PRPF19: variants seen among roughly 807,000 people sequenced by gnomAD.
The protein encoded by PRPF19 is pre-mRNA processing factor 19, also known as pre-mRNA-processing factor 19.
PRPF19 carries 2 observed loss-of-function variants against 64.2 expected under a neutral mutation model. That is an observed-to-expected ratio of 0.03 (90% CI 0.01 to 0.10). The LOEUF (loss-of-function observed/expected upper bound fraction) is 0.10. Among genes scored for constraint, PRPF19 ranks in the 10% least tolerant of loss-of-function variants. The pLI is 1.00. For missense variants in PRPF19, 314 were observed against 650.0 expected (o/e 0.48, Z 5.62); for synonymous variants, 226 against 251.6 (o/e 0.90, Z 0.96).
intron 15 of PRPF19, 22 bp downstream of exon 15, chr11:60,897,824 G>T (rs1209385919): frequency 1.9e-6 from 3 of 1,604,750 alleles, no homozygotes; most frequent in African/African-American, 2.7e-5. Context: ...AGAGATCCCA[G>T]GAGCCCAGGA....
At chr11:60,897,299 CAAT>C (rs2134859708) in intron 15 of PRPF19, among the ~76,000 whole-genome samples, 1 of 152,266 alleles carries the variant, frequency 6.6e-6, no homozygotes, top group Non-Finnish European at 1.5e-5. Flanking sequence ...AGCCTAGGAG[CAAT>C]AATAGACTAT....
rs7948169 is a variant in PRPF19, at chr11:60,897,962, T to C, written c.1312-11A>G. ...GATCAGTGACTTTACCTGCCAGAAA[T>C]AGAAAGAGAGAAGGTCACACAAGGG... On this transcript the variant is annotated splice_polypyrimidine_tract_variant and intron_variant, in intron 14 of 15. Transcript: ENST00000227524. 0.03 allele frequency: 48,733 copies of C among 1,613,344 alleles called. 1,614 individuals carry two copies. The highest frequency in any genetic ancestry group is 0.17 in the African/African-American group (12,807 of 74,878).
Position 60,906,555 on chromosome 11 carries a change from G to T in PRPF19, c.-173C>A. ...TTCACGTGGGAATGGGGACAGCCGC[G>T]CGCCACAGCCTTCAGCACCTAACGG... On this transcript the variant is annotated 5_prime_UTR_variant, in exon 1 of 16. Coordinates refer to ENST00000227524, the MANE Select transcript of PRPF19 (RefSeq NM_014502.5). The T allele has an allele frequency of 3.1e-6, 2 of 651,774 alleles. No homozygotes were observed. Among genetic ancestry groups the T allele is most frequent in the Non-Finnish European group, 5.1e-6 (2 of 393,360 alleles). The allele number at this position is 651,774 out of a possible 1,614,324, so 40.4% of individuals were successfully genotyped here. A position where few individuals can be genotyped will look rare whatever the true frequency, so the allele number is the denominator to read the frequency against.
At position 60,897,862 on chromosome 11, in the gene PRPF19, C is replaced by T. The variant is rs1855939032; in HGVS notation, c.1401G>A (p.Glu467=). ...VQIYICKQWT[E]ILHFTEHSGL... ...AGCCTCTACCTGTAAAGTGAAGAATCTCCGTCCATTGTTTGCAGATGTAGA... is the reference window on the plus strand; with the variant it reads ...AGCCTCTACCTGTAAAGTGAAGAATTTCCGTCCATTGTTTGCAGATGTAGA... Residue 467 remains glutamate, a synonymous_variant, in exon 15 of 16, where the codon GAG becomes GAA. Coordinates refer to ENST00000227524, the MANE Select transcript of PRPF19 (RefSeq NM_014502.5). 6.2e-7 allele frequency: 1 copy of T among 1,614,190 alleles called. No individual in the cohort carries two copies. The highest frequency in any genetic ancestry group is 8.5e-7 in the Non-Finnish European group (1 of 1,180,002).
intron 10 of PRPF19, 73 bp from the exon 11 acceptor site, chr11:60,899,377 G>A (rs1432785078): frequency 1.5e-5 from 22 of 1,464,264 alleles, no homozygotes; most frequent in Middle Eastern, 1.7e-4. Flanking sequence ...ATAAAACGGG[G>A]CTGGGGATGC....
At chr11:60,892,559 T>C (rs1855872749) in intron 15 of PRPF19, among the ~76,000 whole-genome samples, 1 of 152,326 alleles carries the variant, frequency 6.6e-6, no homozygotes, top group African/African-American at 2.4e-5. Flanking sequence ...TGTATTTTCA[T>C]CTAAACCTCA....
chr11:60,902,574 G>C lies in PRPF19; in HGVS notation c.462+9C>G, dbSNP rs1379614971. The C allele has an allele frequency of 6.2e-7, 1 of 1,611,942 alleles. No individual in the cohort carries two copies. The highest frequency in any genetic ancestry group is 1.1e-5 in the South Asian group (1 of 91,020). On this transcript the variant is annotated intron_variant, in intron 5 of 15. Transcript: ENST00000227524. The surrounding 1 kb of genome is among the most constrained non-coding windows in gnomAD (Gnocchi z 5.0). ...AATGGGCTGCTGGTAAGGGAAGGGG[G>C]ACACTTACCACAACACTTGGTTGGG...
chr11:60,901,220 C>A, intron 8 of PRPF19, 75 bp downstream of exon 8: 1 of 1,500,552 alleles, frequency 6.7e-7, no homozygotes. Context: ...ACTCAGCACT[C>A]CCCATGCTGG....
chr11:60,899,348 TA>T, intron 10 of PRPF19, 44 bp from the exon 11 acceptor site: 1 of 1,563,540 alleles, frequency 6.4e-7, no homozygotes, highest in Non-Finnish European at 8.8e-7. Flanking sequence ...AGAAAAGAGA[TA>T]CAGACCAAAA....
intron 1 of PRPF19, chr11:60,905,293 G>C (rs1856033022): frequency 6.6e-6 from 1 of 152,234 alleles, no homozygotes; most frequent in African/African-American, 2.4e-5. Context: ...AACCATGCCA[G>C]GAAGGATGGT....
rs1256897348 is a variant in PRPF19, at chr11:60,900,061, CCCCAAA to C, written c.828+515_828+520del. Among the ~76,000 whole-genome samples, 10 of 152,194 alleles carry C rather than the reference CCCCAAA, an allele frequency of 6.6e-5. 1 individual carries two copies. Among genetic ancestry groups the C allele is most frequent in the Non-Finnish European group, 5.9e-5 (4 of 68,026 alleles). On this transcript the variant is annotated intron_variant, in intron 10 of 15. Coordinates refer to ENST00000227524, the MANE Select transcript of PRPF19 (RefSeq NM_014502.5). The stretch of plus-strand genomic sequence containing the variant: ...GCACTAAACCAACCATGTCCTGCAG[CCCCAAA>C]CCCAAACTGTCTTAGGCTTAAAATT...
chr11:60,904,199 T>A (rs1273909308), intron 1 of PRPF19, among the ~76,000 whole-genome samples: 1 of 152,246 alleles, frequency 6.6e-6, no homozygotes, highest in South Asian at 2.1e-4. Flanking sequence ...GTGTACTCTA[T>A]GAATACAGTT....
intron 8 of PRPF19, 81 bp from the exon 9 acceptor site, chr11:60,901,010 T>A (rs1247261157): frequency 1.4e-6 from 2 of 1,467,190 alleles, no homozygotes; most frequent in Non-Finnish European, 1.9e-6. Context: ...TACTGCCATC[T>A]CCAGTCACCC....
In PRPF19 at chr11:60,901,297, C is replaced by T. The variant is rs763655161; in HGVS notation, c.640G>A (p.Val214Met). 8.1e-6 allele frequency: 13 copies of T among 1,613,946 alleles called. No homozygotes were observed. The Admixed American group carries it at 1.2e-4, about 14-fold the overall frequency. Residue 214 changes from valine (V) to methionine (M), a missense_variant and splice_region_variant, in exon 8 of 16, where the codon GTG becomes ATG. By Grantham distance (21) the Val-to-Met change is conservative. Transcript: ENST00000227524. ...ACAGTGGAGACCCAGACACTCACCA[C>T]GTGGGATGCCACCTGCCGGTATTTG... is the stretch of plus-strand genomic sequence containing the variant. The part of the protein sequence containing the change: ...LSKYRQVASH[V>M]GLHSASIPGI...
intron 10 of PRPF19, 151 bp downstream of exon 10, chr11:60,900,431 C>T (rs1855971509): frequency 3.1e-6 from 2 of 646,580 alleles, no homozygotes; most frequent in Non-Finnish European, 5.5e-6. Context: ...AGGGCAATCT[C>T]CACAACTCCA....
intron 15 of PRPF19, among the ~76,000 whole-genome samples, chr11:60,896,318 G>C (rs1855920261): frequency 6.6e-6 from 1 of 152,196 alleles, no homozygotes; most frequent in Non-Finnish European, 1.5e-5. Context: ...ACAGGTTTAT[G>C]CATGTTGGTG....
At chr11:60,900,560 G>T in intron 10 of PRPF19, 22 bp downstream of exon 10, 1 of 1,505,492 alleles carries the variant, frequency 6.6e-7, no homozygotes, top group Non-Finnish European at 9.0e-7. Flanking sequence ...AAGAACCAAG[G>T]GTGGCGAGGA....
chr11:60,899,940 TG>T (rs1414273237), intron 10 of PRPF19, among the ~76,000 whole-genome samples: 19 of 152,222 alleles, frequency 1.2e-4, no homozygotes, highest in Non-Finnish European at 2.8e-4. Context: ...AAGAAAACAG[TG>T]CTCTCAATTT....
chr11:60,902,867 C>T lies in PRPF19; in HGVS notation c.261G>A (p.Leu87=), dbSNP rs1855998466. 1 of 1,613,822 alleles carries T rather than the reference C, an allele frequency of 6.2e-7. No homozygotes were observed. Among genetic ancestry groups the T allele is most frequent in the East Asian group, 2.2e-5 (1 of 44,872 alleles). Residue 87 remains leucine, a synonymous_variant, in exon 4 of 16, where the codon CTG becomes CTA. Transcript: ENST00000227524. The surrounding 1 kb of genome is among the most constrained non-coding windows in gnomAD (Gnocchi z 5.0). The part of the protein sequence containing the change: ...ALQDEWDAVM[L]HSFTLRQQLQ... ...GCTGCTGGCGCAGAGTGAAGCTGTG[C>T]AGCATGACTGCATCCTGGGAGAAGC...
Sources: allele counts gnomAD v4.1 joint callset (sites outside exome capture counted in the v4.1 genomes callset), GRCh38; gene constraint gnomAD v4.1.1; non-coding constraint Gnocchi (gnomAD v3.1); transcripts MANE v1.5; gene names NCBI Gene and HGNC (gene_info 2026-07-23, HGNC 2026-07-21).